EXOC6B: variants seen among roughly 807,000 people sequenced by gnomAD.
EXOC6B encodes the protein SEC15 homolog B.
Under a neutral mutation model 113.5 loss-of-function variants are expected in EXOC6B, and 54 were observed. That is an observed-to-expected ratio of 0.48 (90% confidence interval 0.38 to 0.60). The LOEUF (loss-of-function observed/expected upper bound fraction) is 0.60, where lower values mean the gene tolerates loss of function less well. Among genes scored for constraint, EXOC6B ranks in the 20% least tolerant of loss-of-function variants. The pLI, the probability that EXOC6B is intolerant of heterozygous loss-of-function variation, is 0.00. For missense variants in EXOC6B, 797 were observed against 977.5 expected, an observed-to-expected ratio of 0.82 and a Z score of 2.46; for synonymous variants, 357 against 339.0, an observed-to-expected ratio of 1.05 and a Z score of -0.58.
chr2:72,527,369 A>G (rs958707745), intron 8 of EXOC6B, among the ~76,000 whole-genome samples: 7 of 151,998 alleles, frequency 4.6e-5, no homozygotes, highest in African/African-American at 1.7e-4. Flanking sequence ...TTTGTTACAT[A>G]TATCAATAGT....
chr2:72,467,950 T>G (rs914087656), intron 17 of EXOC6B, among the ~76,000 whole-genome samples: 2 of 151,982 alleles, frequency 1.3e-5, no homozygotes, highest in African/African-American at 4.8e-5. Context: ...TTTGTATATT[T>G]AGTAGACATT....
At chr2:72,195,084 T>C (rs1035285598) in intron 20 of EXOC6B, among the ~76,000 whole-genome samples, 1 of 152,198 alleles carries the variant, frequency 6.6e-6, no homozygotes, top group Non-Finnish European at 1.5e-5. Flanking sequence ...AAATATTTAT[T>C]TGCCGCATAA....
At chr2:72,286,710 C>T (rs759293080) in intron 20 of EXOC6B, among the ~76,000 whole-genome samples, 13 of 151,834 alleles carry the variant, frequency 8.6e-5, no homozygotes, top group Non-Finnish European at 1.5e-4. Flanking sequence ...GGGGGGAATA[C>T]GAATAATGAG....
intron 8 of EXOC6B, among the ~76,000 whole-genome samples, chr2:72,534,948 C>G (rs1253596283): frequency 2.6e-5 from 4 of 152,148 alleles, no homozygotes; most frequent in Non-Finnish European, 5.9e-5. Context: ...CTCTCCCCTC[C>G]CTCAAATCAC....
At position 72,379,716 on chromosome 2, in the gene EXOC6B, G is replaced by C; in HGVS notation, c.2122+13C>G. ...GGTAAGATAAACAAGCACAGGGATGGTCACTGTCTTACGTTCACATTCTCT... is the reference window on the plus strand; with the variant it reads ...GGTAAGATAAACAAGCACAGGGATGCTCACTGTCTTACGTTCACATTCTCT... On this transcript the variant is annotated intron_variant, in intron 19 of 21. Transcript: ENST00000272427. 6.2e-7 allele frequency: 1 copy of C among 1,602,460 alleles called. No homozygotes were observed. Among genetic ancestry groups the C allele is most frequent in the South Asian group, 1.1e-5 (1 of 89,062 alleles).
chr2:72,274,247 A>G (rs1432562019), intron 20 of EXOC6B, among the ~76,000 whole-genome samples: 1 of 152,174 alleles, frequency 6.6e-6, no homozygotes, highest in East Asian at 1.9e-4. Flanking sequence ...GAAATATAAC[A>G]CAGAAGTCCA....
intron 16 of EXOC6B, among the ~76,000 whole-genome samples, chr2:72,487,455 A>G (rs1171318249): frequency 2.0e-5 from 3 of 152,044 alleles, no homozygotes; most frequent in Non-Finnish European, 2.9e-5. Flanking sequence ...CCAACTCCCT[A>G]TTTCAAGCGA....
chr2:72,388,745 T>G (rs1692202685), intron 18 of EXOC6B, among the ~76,000 whole-genome samples: 1 of 152,162 alleles, frequency 6.6e-6, no homozygotes, highest in Non-Finnish European at 1.5e-5. Context: ...TGTTATTGAG[T>G]GCAGACACAC....
chr2:72,762,979 C>A (rs1682833650), intron 1 of EXOC6B, among the ~76,000 whole-genome samples: 1 of 151,780 alleles, frequency 6.6e-6, no homozygotes, highest in Non-Finnish European at 1.5e-5. Flanking sequence ...AAATACATTG[C>A]AATAAGTTAA....
intron 19 of EXOC6B, among the ~76,000 whole-genome samples, chr2:72,369,113 AC>A (rs1157646334): frequency 4.6e-5 from 7 of 151,996 alleles, no homozygotes; most frequent in Admixed American, 4.6e-4. Context: ...TATCTAGAAA[AC>A]CCCACTGTCT....
chr2:72,494,289 C>T (rs1699915683), intron 15 of EXOC6B, among the ~76,000 whole-genome samples: 1 of 152,040 alleles, frequency 6.6e-6, no homozygotes, highest in Non-Finnish European at 1.5e-5. Flanking sequence ...ACATACCCTA[C>T]AGACAATTAT....
At chr2:72,627,060 T>A (rs958618136) in intron 6 of EXOC6B, among the ~76,000 whole-genome samples, 1 of 152,186 alleles carries the variant, frequency 6.6e-6, no homozygotes, top group Non-Finnish European at 1.5e-5. Flanking sequence ...ATGTATCAGA[T>A]AAATAACATA....
At chr2:72,718,388 C>G in intron 5 of EXOC6B, 81 bp from the exon 6 acceptor site, 2 of 1,109,532 alleles carry the variant, frequency 1.8e-6, no homozygotes, top group South Asian at 1.5e-5. Context: ...TTGGTTTTCA[C>G]TGTGCATTAA....
chr2:72,812,308 C>T (rs1685966820), intron 1 of EXOC6B, among the ~76,000 whole-genome samples: 1 of 152,142 alleles, frequency 6.6e-6, no homozygotes, highest in African/African-American at 2.4e-5. Flanking sequence ...AAATGAATTA[C>T]TTGCAGATAA....
In EXOC6B at chr2:72,375,687, T is replaced by C. The variant is rs184962694; in HGVS notation, c.2122+4042A>G. Among the ~76,000 whole-genome samples the C allele has an allele frequency of 7.9e-5, 12 of 152,230 alleles. No individual in the cohort carries two copies. In the East Asian group the frequency reaches 2.1e-3, roughly 27 times the overall value. ...GTACTTAGACAATAATTTCTAATAC[T>C]AAAATGCTCATATTAGAAAAGAAGA... On this transcript the variant is annotated intron_variant, in intron 19 of 21. Transcript: ENST00000272427.
At chr2:72,670,445 C>T (rs1675712031) in intron 6 of EXOC6B, among the ~76,000 whole-genome samples, 1 of 152,124 alleles carries the variant, frequency 6.6e-6, no homozygotes, top group South Asian at 2.1e-4. Flanking sequence ...TATCATTTCT[C>T]CCCTGGAATT....
rs1385999766 is a variant in EXOC6B at position 72,176,455 on chromosome 2, T to C, written c.*2880A>G. The C allele has an allele frequency of 6.6e-6, 1 of 152,204 alleles. No individual in the cohort carries two copies. Among genetic ancestry groups the C allele is most frequent in the East Asian group, 1.9e-4 (1 of 5,180 alleles). The allele number at this position is 152,204 out of a possible 1,614,324, so 9.4% of individuals were successfully genotyped here. On this transcript the variant is annotated 3_prime_UTR_variant, in exon 22 of 22. Transcript: ENST00000272427. The stretch of plus-strand genomic sequence containing the variant: ...GATAAAAGGCCGTGGGTCTGGGACT[T>C]GCTGAGTAAGCACTTGTCAAGTGTA...
chr2:72,692,718 C>G (rs1449657489), intron 6 of EXOC6B, among the ~76,000 whole-genome samples: 1 of 152,146 alleles, frequency 6.6e-6, no homozygotes, highest in Non-Finnish European at 1.5e-5. Context: ...TAGTAATTGA[C>G]CCATTTGAAA....
intron 6 of EXOC6B, among the ~76,000 whole-genome samples, chr2:72,694,718 G>A (rs1176128552): frequency 6.6e-6 from 1 of 152,176 alleles, no homozygotes; most frequent in African/African-American, 2.4e-5. Context: ...AAAGAATCTT[G>A]CATGTTCCAC....
Sources: gnomAD v4.1 joint callset for allele counts (sites outside exome capture counted in the v4.1 genomes callset) on GRCh38, gnomAD v4.1.1 for gene constraint, MANE v1.5 for transcripts, NCBI Gene and HGNC (gene_info 2026-07-23, HGNC 2026-07-21) for gene names.